The following DHRS12 variants were observed in gnomAD, a reference collection of about 807,000 sequenced individuals.
DHRS12 encodes the protein dehydrogenase/reductase SDR family member 12.
DHRS12 carries 29 observed loss-of-function variants against 32.1 expected under a neutral mutation model. The ratio of observed to expected loss-of-function variants is 0.90; its 90% CI spans 0.67 to 1.23. The LOEUF is 1.23. Ranked by LOEUF, DHRS12 falls within the 50% of genes most tolerant of loss-of-function variation. The pLI is 0.00. For missense variants in DHRS12, 330 were observed against 337.2 expected (o/e 0.98, Z 0.17); for synonymous variants, 150 against 135.9 (o/e 1.10, Z -0.72).
At chr13:51,789,434 C>G in intron 4 of DHRS12, 2 of 642,348 alleles carry the variant, frequency 3.1e-6, no homozygotes, top group Non-Finnish European at 3.9e-6. Context: ...TGGCCTCATT[C>G]CAGAGTTTCA....
chr13:51,779,942 C>A (rs890879475), intron 4 of DHRS12, among the ~76,000 whole-genome samples: 1 of 151,818 alleles, frequency 6.6e-6, no homozygotes, highest in African/African-American at 2.4e-5. Flanking sequence ...TTTGGGAGGC[C>A]GAGGCGGGCG....
chr13:51,791,463 C>G (rs1955266490), intron 2 of DHRS12, among the ~76,000 whole-genome samples: 1 of 151,576 alleles, frequency 6.6e-6, no homozygotes, highest in Non-Finnish European at 1.5e-5. Flanking sequence ...ACTATATATA[C>G]AATACATATA....
intron 7 of DHRS12, among the ~76,000 whole-genome samples, chr13:51,769,577 C>T (rs534141589): frequency 1.2e-4 from 18 of 152,182 alleles, no homozygotes; most frequent in Admixed American, 9.8e-4. Flanking sequence ...AGCAGAGTCG[C>T]CCGCAGAGCC....
intron 4 of DHRS12, among the ~76,000 whole-genome samples, chr13:51,780,158 G>C (rs1308488326): frequency 6.6e-6 from 1 of 151,970 alleles, no homozygotes; most frequent in African/African-American, 2.4e-5. Context: ...GCTTGGGCAA[G>C]AGAGTGAGAT....
chr13:51,768,010 C>G lies in DHRS12; in HGVS notation c.*177G>C. On this transcript the variant is annotated 3_prime_UTR_variant, in exon 9 of 9. Coordinates refer to ENST00000444610, the MANE Select transcript of DHRS12 (RefSeq NM_001377533.1). Reference sequence around the variant, plus strand: ...TGCAGGAGTTCAAGGTGAGCCTGATCACAGCCTCGGTAGTATTTATTTTGA... The same window carrying G: ...TGCAGGAGTTCAAGGTGAGCCTGATGACAGCCTCGGTAGTATTTATTTTGA... 5.7e-6 allele frequency: 8 copies of G among 1,413,180 alleles called. No homozygotes were observed. Among genetic ancestry groups the G allele is most frequent in the Non-Finnish European group, 7.4e-6 (8 of 1,087,590 alleles). 87.5% of individuals were successfully genotyped at this position (1,413,180 alleles called of 1,614,324 possible). A position where few individuals can be genotyped will look rare whatever the true frequency, so the allele number is the denominator to read the frequency against.
downstream of DHRS12, chr13:51,764,097 T>C (rs1434963218): frequency 1.3e-5 from 2 of 152,238 alleles, no homozygotes; most frequent in East Asian, 1.9e-4. Flanking sequence ...TTAACTTGAT[T>C]GGAAAACACA....
rs1955663519 is a variant in DHRS12 at position 51,799,668 on chromosome 13, C to A, written c.-8-1G>T. On this transcript the variant is annotated splice_acceptor_variant, in intron 1 of 8. Transcript: ENST00000444610. LOFTEE classifies it low-confidence loss of function (5UTR_SPLICE). ...TTTACATGCAGATTCATAGCCACTC[C>A]TAGAAAGAGGAGACCCACAGGAAGA... 1 of 1,613,602 alleles carries A rather than the reference C, an allele frequency of 6.2e-7. No homozygotes were observed. Among genetic ancestry groups the A allele is most frequent in the African/African-American group, 1.3e-5 (1 of 74,930 alleles).
At chr13:51,769,039 G>T in intron 8 of DHRS12, 117 bp downstream of exon 8, 2 of 1,467,002 alleles carry the variant, frequency 1.4e-6, no homozygotes, top group South Asian at 1.4e-5. Context: ...AGAAGCCCAG[G>T]CACCCCCCAG....
At chr13:51,769,000 C>A in intron 8 of DHRS12, 156 bp downstream of exon 8, 1 of 1,426,802 alleles carries the variant, frequency 7.0e-7, no homozygotes, top group African/African-American at 1.5e-5. Flanking sequence ...CAAAACTAAC[C>A]TCAGCAGGCA....
Position 51,799,649 on chromosome 13 carries a change from T to C in DHRS12, c.11A>G (p.His4Arg). Reference protein sequence around the residue: MNLHVKTLSLMTWR... With the variant: MNLRVKTLSLMTWR... ...AGTCATGAGGGACAAAGTCTTTACA[T>C]GCAGATTCATAGCCACTCCTAGAAA... Residue 4 changes from histidine (H) to arginine (R), a missense_variant, in exon 2 of 9, where the codon CAT (histidine) becomes CGT (arginine). Physicochemically the swap from His to Arg is conservative, Grantham distance 29 (BLOSUM62 0). Coordinates refer to ENST00000444610, the MANE Select transcript of DHRS12 (RefSeq NM_001377533.1). 1.2e-6 allele frequency: 2 copies of C among 1,614,070 alleles called. No homozygotes were observed. Among genetic ancestry groups the C allele is most frequent in the Non-Finnish European group, 1.7e-6 (2 of 1,180,022 alleles).
At chr13:51,758,800 C>T in the DHRS12 span, among the ~76,000 whole-genome samples, 1 of 152,186 alleles carries the variant, frequency 6.6e-6, no homozygotes, top group Non-Finnish European at 1.5e-5. Flanking sequence ...ACCTCCCTGA[C>T]CCATTCTTGG....
At chr13:51,783,706 G>A (rs1419324448) in intron 4 of DHRS12, among the ~76,000 whole-genome samples, 1 of 152,058 alleles carries the variant, frequency 6.6e-6, no homozygotes, top group Non-Finnish European at 1.5e-5. Context: ...CCTCTTCTTA[G>A]CCCCCTAGGT....
At chr13:51,769,038 G>A in intron 8 of DHRS12, 118 bp downstream of exon 8, 1 of 1,467,890 alleles carries the variant, frequency 6.8e-7, no homozygotes, top group African/African-American at 1.4e-5. Context: ...AAGAAGCCCA[G>A]GCACCCCCCA....
At chr13:51,755,758 G>A in the DHRS12 span, among the ~76,000 whole-genome samples, 153 of 152,290 alleles carry the variant, frequency 1.0e-3, no homozygotes, top group Admixed American at 3.2e-3. Context: ...ATGGAAACCA[G>A]ACCATGAAAT....
intron 7 of DHRS12, 102 bp from the exon 8 acceptor site, chr13:51,769,395 G>A (rs1953910167): frequency 3.1e-6 from 3 of 963,232 alleles, no homozygotes; most frequent in African/African-American, 1.7e-5. Flanking sequence ...AATGAAATGG[G>A]ATCATAAACT....
chr13:51,785,098 T>G (rs1954891612), intron 4 of DHRS12, among the ~76,000 whole-genome samples: 1 of 152,110 alleles, frequency 6.6e-6, no homozygotes, highest in South Asian at 2.1e-4. Flanking sequence ...TGTGGTGGCG[T>G]GTACCTGTAA....
chr13:51,768,535 G>T, intron 8 of DHRS12: 5 of 1,382,258 alleles, frequency 3.6e-6, no homozygotes, highest in Non-Finnish European at 4.7e-6. Flanking sequence ...CCACGTTTGG[G>T]TGATCAGCAG....
At chr13:51,776,979 C>G in intron 5 of DHRS12, 81 bp downstream of exon 5, 1 of 1,535,370 alleles carries the variant, frequency 6.5e-7, no homozygotes, top group Non-Finnish European at 9.0e-7. Context: ...TTAGGGCAGT[C>G]AGGCAGCAAA....
At chr13:51,774,316 C>T (rs1446102175) in intron 5 of DHRS12, 1 of 147,698 alleles carries the variant, frequency 6.8e-6, no homozygotes, top group Non-Finnish European at 1.5e-5. Context: ...ACAGTATTCT[C>T]CTACATGTAT....
Sources: allele counts gnomAD v4.1 joint callset (sites outside exome capture counted in the v4.1 genomes callset), GRCh38; gene constraint gnomAD v4.1.1; transcripts MANE v1.5; gene names NCBI Gene and HGNC (gene_info 2026-07-23, HGNC 2026-07-21).